Variants in LHCGR observed in about 807,000 individuals in gnomAD.
LHCGR encodes luteinizing hormone/choriogonadotropin receptor, also known as lutropin-choriogonadotropic hormone receptor.
Under a neutral mutation model 60.7 loss-of-function variants are expected in LHCGR, and 55 were observed. The ratio of observed to expected loss-of-function variants is 0.91; its 90% CI spans 0.73 to 1.13. The LOEUF is 1.13. Among genes scored for constraint, LHCGR ranks in the 50% most tolerant of loss-of-function variants. LHCGR has a pLI of 0.00. For missense variants in LHCGR, 862 were observed against 836.0 expected (o/e 1.03, Z -0.38); for synonymous variants, 337 against 316.5 (o/e 1.06, Z -0.69).
At position 48,731,249 on chromosome 2, in the gene LHCGR, C is replaced by G. The variant is rs746197082; in HGVS notation, c.211G>C (p.Gly71Arg). The change falls in exon 2 of 11, where the codon GGA becomes CGA. Residue 71 changes from glycine to arginine, a missense_variant. Gly to Arg is a moderately radical substitution (Grantham distance 125). Coordinates refer to ENST00000294954, the MANE Select transcript of LHCGR (RefSeq NM_000233.4). ...VKVIPSQAFR[G>R]LNEVIKIEIS... ...TACATTTTTATGACCTCATTAAGTC[C>G]TCTGAAAGCTTGAGATGGGATCACT... The G allele has an allele frequency of 4.0e-5, 65 of 1,610,808 alleles. No homozygotes were observed. The highest frequency in any genetic ancestry group is 3.1e-4 in the South Asian group (28 of 91,000).
chr2:48,743,224 C>T (rs1011931995), intron 1 of LHCGR, among the ~76,000 whole-genome samples: 1 of 151,980 alleles, frequency 6.6e-6, no homozygotes, highest in Admixed American at 6.6e-5. Flanking sequence ...CAAAAAGAGT[C>T]CAGGACCAGA....
intron 8 of LHCGR, among the ~76,000 whole-genome samples, chr2:48,705,313 T>C (rs1040563012): frequency 2.6e-5 from 4 of 152,208 alleles, no homozygotes; most frequent in African/African-American, 9.7e-5. Flanking sequence ...TTTCCAATTA[T>C]GTGGTCAGTT....
intron 7 of LHCGR, among the ~76,000 whole-genome samples, chr2:48,713,445 C>T (rs912608934): frequency 1.3e-5 from 2 of 152,044 alleles, no homozygotes; most frequent in African/African-American, 4.8e-5. Flanking sequence ...GAAACAGTAG[C>T]GATGCTCTTC....
chr2:48,733,092 A>G (rs1572877502), intron 1 of LHCGR: 2 of 410,634 alleles, frequency 4.9e-6, no homozygotes, highest in East Asian at 1.3e-4. Flanking sequence ...AAATTTACAG[A>G]AGAGAAAGCT....
intron 10 of LHCGR, among the ~76,000 whole-genome samples, chr2:48,693,935 G>A (rs1352449111): frequency 6.6e-6 from 1 of 152,122 alleles, no homozygotes; most frequent in East Asian, 1.9e-4. Context: ...ATCAGCCTTT[G>A]GTGACATCAA....
chr2:48,694,318 G>C lies in LHCGR; in HGVS notation c.867-14C>G. On this transcript the variant is annotated splice_polypyrimidine_tract_variant and intron_variant, in intron 9 of 10. Coordinates refer to ENST00000294954, the MANE Select transcript of LHCGR (RefSeq NM_000233.4). ...GAAAAATTCTGTCTGAAAGAGAAGA[G>C]GTTAAAAAAAGCATTTGAGCTTTTG... 4 of 1,559,212 alleles carry C rather than the reference G, an allele frequency of 2.6e-6. No individual in the cohort carries two copies. The South Asian group carries it at 4.5e-5, about 18-fold the overall frequency.
intron 1 of LHCGR, among the ~76,000 whole-genome samples, chr2:48,745,375 C>T (rs1469545973): frequency 7.9e-5 from 12 of 151,962 alleles, no homozygotes; most frequent in Admixed American, 3.3e-4. Context: ...TAAATCATGC[C>T]GCTATAAAGA....
chr2:48,701,179 GA>G (rs1455615231), intron 8 of LHCGR, among the ~76,000 whole-genome samples: 1 of 152,050 alleles, frequency 6.6e-6, no homozygotes, highest in African/African-American at 2.4e-5. Flanking sequence ...TATAATGGTG[GA>G]AACAGAAATT....
intron 6 of LHCGR, among the ~76,000 whole-genome samples, chr2:48,723,142 C>T (rs931622447): frequency 2.6e-5 from 4 of 152,206 alleles, no homozygotes; most frequent in Non-Finnish European, 4.4e-5. Flanking sequence ...AAAGCCACTC[C>T]TCTCTAGACT....
intron 10 of LHCGR, among the ~76,000 whole-genome samples, chr2:48,690,988 C>T (rs1285763619): frequency 6.6e-6 from 1 of 152,180 alleles, no homozygotes; most frequent in Admixed American, 6.5e-5. Flanking sequence ...TGAGAGGATA[C>T]AGGGACAATG....
At chr2:48,705,040 T>C (rs940771191) in intron 8 of LHCGR, among the ~76,000 whole-genome samples, 6 of 152,250 alleles carry the variant, frequency 3.9e-5, no homozygotes, top group Non-Finnish European at 5.9e-5. Flanking sequence ...GCTATAAATT[T>C]CCCTCTACAT....
At chr2:48,753,564 T>C (rs1670073831) in intron 1 of LHCGR, among the ~76,000 whole-genome samples, 1 of 152,148 alleles carries the variant, frequency 6.6e-6, no homozygotes, top group African/African-American at 2.4e-5. Flanking sequence ...TCAGATATTT[T>C]TGAGGGGTTC....
At chr2:48,742,696 T>A (rs1203017360) in intron 1 of LHCGR, among the ~76,000 whole-genome samples, 6 of 151,430 alleles carry the variant, frequency 4.0e-5, no homozygotes. Context: ...CAAAGCAGTG[T>A]GTAGAGGGAA....
At chr2:48,747,745 C>T (rs925311931) in intron 1 of LHCGR, among the ~76,000 whole-genome samples, 2 of 151,642 alleles carry the variant, frequency 1.3e-5, no homozygotes, top group Admixed American at 6.6e-5. Context: ...CATACTTCTA[C>T]CTTCTTATCC....
At chr2:48,716,008 C>T (rs1247988579) in intron 6 of LHCGR, among the ~76,000 whole-genome samples, 1 of 152,168 alleles carries the variant, frequency 6.6e-6, no homozygotes, top group East Asian at 1.9e-4. Flanking sequence ...CCCAGGCTCT[C>T]ATATGCTTTC....
At chr2:48,738,553 G>A (rs1669298890) in intron 1 of LHCGR, among the ~76,000 whole-genome samples, 1 of 152,124 alleles carries the variant, frequency 6.6e-6, no homozygotes. Flanking sequence ...ATCTACAAAT[G>A]TCTCAGCCTG....
intron 6 of LHCGR, 150 bp from the exon 7 acceptor site, chr2:48,714,204 T>A: frequency 1.5e-6 from 1 of 689,122 alleles, no homozygotes; most frequent in South Asian, 1.6e-5. Context: ...CATCAATTTA[T>A]TAAGTGTCTA....
At chr2:48,732,815 T>G in intron 1 of LHCGR, 1 of 528,362 alleles carries the variant, frequency 1.9e-6, no homozygotes, top group South Asian at 1.4e-5. Flanking sequence ...AGAAAAATAT[T>G]TTCACTCAAT....
At chr2:48,745,782 C>G (rs1028527198) in intron 1 of LHCGR, among the ~76,000 whole-genome samples, 8 of 150,884 alleles carry the variant, frequency 5.3e-5, no homozygotes, top group African/African-American at 2.0e-4. Context: ...ACCAGCATGG[C>G]ACATGTATAC....
Sources: gnomAD v4.1 joint callset for allele counts (sites outside exome capture counted in the v4.1 genomes callset) on GRCh38, gnomAD v4.1.1 for gene constraint, MANE v1.5 for transcripts, NCBI Gene and HGNC (gene_info 2026-07-23, HGNC 2026-07-21) for gene names.